Variants in KCNQ1OT1 observed in about 807,000 individuals in gnomAD.
KCNQ1OT1 encodes the protein KCNQ1 antisense RNA 2 (non-protein coding).
At chr11:2,614,110 C>T in exon 1 of KCNQ1OT1, 1 of 398,484 alleles carries the variant, frequency 2.5e-6, no homozygotes, top group Non-Finnish European at 4.4e-6. Flanking sequence ...CTATGCTCAC[C>T]ATTCTTTGGC....
Position 2,698,763 on chromosome 11 carries a change from A to T in KCNQ1OT1, n.1232T>A, listed in dbSNP as rs1267496211. 5.0e-6 allele frequency: 2 copies of T among 398,806 alleles called. No individual in the cohort carries two copies. Among genetic ancestry groups the T allele is most frequent in the Non-Finnish European group, 8.8e-6 (2 of 226,152 alleles). The allele number at this position is 398,806 out of a possible 1,614,324, so 24.7% of individuals were successfully genotyped here. A position where few individuals can be genotyped will look rare whatever the true frequency, so the allele number is the denominator to read the frequency against. On this transcript the variant is annotated non_coding_transcript_exon_variant, in exon 1 of 1. Transcript: ENST00000597346. This position sits in a 1 kb window ranked among gnomAD's most constrained non-coding sequence, Gnocchi z 5.1. Reference sequence around the variant, plus strand: ...GGATCTCAACTCAGAGCCATGATGCAGACTCCAGACCGGGATTCAGGTCCC... The same window carrying T: ...GGATCTCAACTCAGAGCCATGATGCTGACTCCAGACCGGGATTCAGGTCCC...
At chr11:2,633,442 C>T (rs551684678) in exon 1 of KCNQ1OT1, 12 of 398,398 alleles carry the variant, frequency 3.0e-5, no homozygotes, top group Non-Finnish European at 5.3e-5. Context: ...ATAAAATCTT[C>T]GCTAGACCCA....
At chr11:2,636,482 A>T (rs1849466795) in exon 1 of KCNQ1OT1, 1 of 152,064 alleles carries the variant, frequency 6.6e-6, no homozygotes, top group Non-Finnish European at 1.5e-5. Context: ...TATGCTGGAT[A>T]ATGTTTATTG....
chr11:2,645,612 A>G lies in KCNQ1OT1; in HGVS notation n.54383T>C, dbSNP rs1849654083. ...CATGCTTCGGCCCCAGGTGGTGACT[A>G]TGGGCAGGGTCACCTTTCCTCATGG... On this transcript the variant is annotated non_coding_transcript_exon_variant, in exon 1 of 1. Coordinates refer to ENST00000597346, the Ensembl canonical transcript of KCNQ1OT1. This position sits in a 1 kb window ranked among gnomAD's most constrained non-coding sequence, Gnocchi z 5.8. 5.0e-6 allele frequency: 2 copies of G among 398,602 alleles called. No homozygotes were observed. Among genetic ancestry groups the G allele is most frequent in the African/African-American group, 2.1e-5 (1 of 48,620 alleles). 24.7% of individuals were successfully genotyped at this position (398,602 alleles called of 1,614,324 possible). A position where few individuals can be genotyped will look rare whatever the true frequency, so the allele number is the denominator to read the frequency against.
In KCNQ1OT1 at chr11:2,612,639, C is replaced by T; in HGVS notation, n.87356G>A. 2.5e-6 allele frequency: 1 copy of T among 398,500 alleles called. No individual in the cohort carries two copies. The allele number at this position is 398,500 out of a possible 1,614,324, so 24.7% of individuals were successfully genotyped here. On this transcript the variant is annotated non_coding_transcript_exon_variant, in exon 1 of 1. Transcript: ENST00000597346. The surrounding 1 kb of genome is among the most constrained non-coding windows in gnomAD (Gnocchi z 5.5). Reference sequence around the variant, plus strand: ...TATTATCTATTTGATGAGTCTTTGTCATCACACTTGCATTCTTTAATGTGG... The same window carrying T: ...TATTATCTATTTGATGAGTCTTTGTTATCACACTTGCATTCTTTAATGTGG...
exon 1 of KCNQ1OT1, chr11:2,675,799 C>T (rs2073954): frequency 0.014 from 5,588 of 398,726 alleles, 189 homozygotes; most frequent in East Asian, 0.094. Context: ...CAGGGCATAC[C>T]AGCCACGTGC....
At position 2,691,345 on chromosome 11, in the gene KCNQ1OT1, C is replaced by T; in HGVS notation, n.8650G>A. The stretch of plus-strand genomic sequence containing the variant: ...CTACAATCCACTGCACTTACAGTGA[C>T]CACCCATCCTGACATCTTGGGCTCA... On this transcript the variant is annotated non_coding_transcript_exon_variant, in exon 1 of 1. Coordinates refer to ENST00000597346, the Ensembl canonical transcript of KCNQ1OT1. This position sits in a 1 kb window ranked among gnomAD's most constrained non-coding sequence, Gnocchi z 6.4. 2.5e-6 allele frequency: 1 copy of T among 398,624 alleles called. No homozygotes were observed. Among genetic ancestry groups the T allele is most frequent in the South Asian group, 1.3e-4 (1 of 7,852 alleles). 24.7% of individuals were successfully genotyped at this position (398,624 alleles called of 1,614,324 possible).
chr11:2,609,376 G>GA, exon 1 of KCNQ1OT1: 2 of 398,330 alleles, frequency 5.0e-6, no homozygotes, highest in Non-Finnish European at 8.9e-6. Context: ...ATTATATTCA[G>GA]AAAAAGATAC....
chr11:2,632,653 TTC>T, exon 1 of KCNQ1OT1: 1 of 398,410 alleles, frequency 2.5e-6, no homozygotes, highest in Non-Finnish European at 4.4e-6. Flanking sequence ...CAAATATCAT[TTC>T]TCTGTTTTGT....
chr11:2,622,879 A>G, exon 1 of KCNQ1OT1: 3 of 398,648 alleles, frequency 7.5e-6, no homozygotes, highest in Middle Eastern at 6.3e-4. Flanking sequence ...CTGCATTTAC[A>G]CATTATTATC....
At position 2,645,348 on chromosome 11, in the gene KCNQ1OT1, G is replaced by A. The variant is rs1849650050; in HGVS notation, n.54647C>T. On this transcript the variant is annotated non_coding_transcript_exon_variant, in exon 1 of 1. Coordinates refer to ENST00000597346, the Ensembl canonical transcript of KCNQ1OT1. This position sits in a 1 kb window ranked among gnomAD's most constrained non-coding sequence, Gnocchi z 5.8. ...GGGCAGGGTGATCCCTAGGCCCAGAGATGGTATGCGCTGGCACTGGGAGAA... is the reference window on the plus strand; with the variant it reads ...GGGCAGGGTGATCCCTAGGCCCAGAAATGGTATGCGCTGGCACTGGGAGAA... The A allele has an allele frequency of 2.5e-6, 1 of 398,654 alleles. No homozygotes were observed. The highest frequency in any genetic ancestry group is 2.1e-5 in the African/African-American group (1 of 48,618). The allele number at this position is 398,654 out of a possible 1,614,324, so 24.7% of individuals were successfully genotyped here.
At chr11:2,630,354 AT>A (rs924999996) in exon 1 of KCNQ1OT1, 4 of 398,144 alleles carry the variant, frequency 1.0e-5, no homozygotes, top group African/African-American at 4.1e-5. Flanking sequence ...TCATAAAAAA[AT>A]ATCAGCCAGT....
rs1029670466 is a variant in KCNQ1OT1, at chr11:2,608,626, G to C, written n.91369C>G. 1 of 398,348 alleles carries C rather than the reference G, an allele frequency of 2.5e-6. No homozygotes were observed. The highest frequency in any genetic ancestry group is 2.1e-5 in the African/African-American group (1 of 48,560). 24.7% of individuals were successfully genotyped at this position (398,348 alleles called of 1,614,324 possible). A position where few individuals can be genotyped will look rare whatever the true frequency, so the allele number is the denominator to read the frequency against. On this transcript the variant is annotated non_coding_transcript_exon_variant, in exon 1 of 1. Transcript: ENST00000597346. The surrounding 1 kb of genome is among the most constrained non-coding windows in gnomAD (Gnocchi z 4.6). ...ACAGGTGTGCACCACAACACCAGCT[G>C]TTATTCAAAAAATATTTTGTAGAGA...
At chr11:2,619,063 C>G in exon 1 of KCNQ1OT1, 2 of 398,408 alleles carry the variant, frequency 5.0e-6, no homozygotes, top group Non-Finnish European at 8.8e-6. Flanking sequence ...TTAGTTCTAA[C>G]AGGTTGCTTT....
chr11:2,668,836 G>A lies in KCNQ1OT1; in HGVS notation n.31159C>T, dbSNP rs1850130398. The stretch of plus-strand genomic sequence containing the variant: ...CCAGTTAATCAAACATTTCCTCTCT[G>A]GATAGGGCTGTTTGTGTCCTATTTA... On this transcript the variant is annotated non_coding_transcript_exon_variant, in exon 1 of 1. Transcript: ENST00000597346. The surrounding 1 kb of genome is among the most constrained non-coding windows in gnomAD (Gnocchi z 4.3). The A allele has an allele frequency of 2.5e-6, 1 of 398,566 alleles. No individual in the cohort carries two copies. Among genetic ancestry groups the A allele is most frequent in the African/African-American group, 2.1e-5 (1 of 48,722 alleles). 24.7% of individuals were successfully genotyped at this position (398,566 alleles called of 1,614,324 possible).
chr11:2,658,441 T>C lies in KCNQ1OT1; in HGVS notation n.41554A>G. On this transcript the variant is annotated non_coding_transcript_exon_variant, in exon 1 of 1. Transcript: ENST00000597346. This position sits in a 1 kb window ranked among gnomAD's most constrained non-coding sequence, Gnocchi z 4.9. ...GTTCAAGCTGTGGCCACTGGTGGGT[T>C]CATGTGTCCTTTTGATGTGCCCCCC... 2 of 398,606 alleles carry C rather than the reference T, an allele frequency of 5.0e-6. No homozygotes were observed. Among genetic ancestry groups the C allele is most frequent in the African/African-American group, 4.1e-5 (2 of 48,738 alleles). 24.7% of individuals were successfully genotyped at this position (398,606 alleles called of 1,614,324 possible). A position where few individuals can be genotyped will look rare whatever the true frequency, so the allele number is the denominator to read the frequency against.
Position 2,699,333 on chromosome 11 carries a change from C to T in KCNQ1OT1, n.662G>A, listed in dbSNP as rs1316708048. ...CCGCGGGGCACACAGCTCACCTCAG[C>T]AACGCCAGTGATCACCCGTCCCGCG... On this transcript the variant is annotated non_coding_transcript_exon_variant, in exon 1 of 1. Transcript: ENST00000597346. 19 of 399,112 alleles carry T rather than the reference C, an allele frequency of 4.8e-5. 1 individual carries two copies. The East Asian group carries it at 6.8e-4, about 14-fold the overall frequency. The allele number at this position is 399,112 out of a possible 1,614,324, so 24.7% of individuals were successfully genotyped here. A position where few individuals can be genotyped will look rare whatever the true frequency, so the allele number is the denominator to read the frequency against.
chr11:2,673,441 G>A lies in KCNQ1OT1; in HGVS notation n.26554C>T, dbSNP rs1010174373. 1.3e-5 allele frequency: 5 copies of A among 398,598 alleles called. No individual in the cohort carries two copies. The highest frequency in any genetic ancestry group is 3.6e-5 in the East Asian group (1 of 28,096). 24.7% of individuals were successfully genotyped at this position (398,598 alleles called of 1,614,324 possible). Reference sequence around the variant, plus strand: ...CCAGGCCTGGAGGTTCCAACTTGGTGTTGGGCCTCCTTGAGCCGGAACACC... The same window carrying A: ...CCAGGCCTGGAGGTTCCAACTTGGTATTGGGCCTCCTTGAGCCGGAACACC... On this transcript the variant is annotated non_coding_transcript_exon_variant, in exon 1 of 1. Coordinates refer to ENST00000597346, the Ensembl canonical transcript of KCNQ1OT1. The surrounding 1 kb of genome is among the most constrained non-coding windows in gnomAD (Gnocchi z 4.5).
chr11:2,684,641 G>A (rs1850453401), exon 1 of KCNQ1OT1: 3 of 398,526 alleles, frequency 7.5e-6, no homozygotes, highest in Admixed American at 8.8e-5. Flanking sequence ...CTTGAAGAAG[G>A]AACAGGAAAG....
Sources: gnomAD v4.1 joint callset for allele counts on GRCh38, gnomAD v4.1.1 for gene constraint, Gnocchi (gnomAD v3.1) non-coding constraint, MANE v1.5 for transcripts, NCBI Gene and HGNC (gene_info 2026-07-23, HGNC 2026-07-21) for gene names.